Variants in TRIM67 observed in about 807,000 individuals in gnomAD.
The protein encoded by TRIM67 is tripartite motif containing 67.
In TRIM67, 39 loss-of-function variants were observed where a neutral mutation model predicts 71.0. The ratio of observed to expected loss-of-function variants is 0.55; its 90% CI spans 0.43 to 0.72. The LOEUF is 0.72. Ranked by LOEUF, TRIM67 falls within the 30% of genes least tolerant of loss-of-function variation. The probability of loss-of-function intolerance (pLI) is 0.00; values close to 1 mark genes in which losing one functional copy is unlikely to be tolerated. For synonymous variants in TRIM67, 481 were observed against 473.9 expected, an observed-to-expected ratio of 1.01 and a Z score of -0.19; for missense variants, 973 against 1,079.2, an observed-to-expected ratio of 0.90 and a Z score of 1.38.
At chr1:231,186,723 G>A (rs1051417719) in intron 1 of TRIM67, among the ~76,000 whole-genome samples, 2 of 152,170 alleles carry the variant, frequency 1.3e-5, no homozygotes, top group Non-Finnish European at 2.9e-5. Flanking sequence ...CTGGGGGTTA[G>A]GACTTCAATG....
chr1:231,173,623 G>A (rs372086343), intron 1 of TRIM67, among the ~76,000 whole-genome samples: 14 of 152,294 alleles, frequency 9.2e-5, no homozygotes, highest in African/African-American at 3.1e-4. Context: ...TGAAACAGAT[G>A]AATAAGGGGC....
intron 8 of TRIM67, 99 bp from the exon 9 acceptor site, chr1:231,213,716 G>C (rs1310803664): frequency 7.1e-7 from 1 of 1,414,298 alleles, no homozygotes; most frequent in East Asian, 2.5e-5. Flanking sequence ...GGGTGACAGA[G>C]TGAGACCGTG....
intron 1 of TRIM67, among the ~76,000 whole-genome samples, chr1:231,187,026 T>C (rs950955810): frequency 6.6e-6 from 1 of 152,124 alleles, no homozygotes; most frequent in Non-Finnish European, 1.5e-5. Flanking sequence ...CTCACAAGCA[T>C]ATGGATCTCG....
chr1:231,215,490 A>G lies in TRIM67; in HGVS notation c.*50A>G, dbSNP rs755100674. The G allele has an allele frequency of 4.6e-6, 7 of 1,536,632 alleles. No individual in the cohort carries two copies. The highest frequency in any genetic ancestry group is 6.2e-6 in the Non-Finnish European group (7 of 1,134,620). On this transcript the variant is annotated 3_prime_UTR_variant, in exon 10 of 10. Transcript: ENST00000366653. Reference sequence around the variant, plus strand: ...CTGTGACAGTGACATTCACAGGCAAAACGCCCACCATTCTCACTAAGCTCA... The same window carrying G: ...CTGTGACAGTGACATTCACAGGCAAGACGCCCACCATTCTCACTAAGCTCA...
chr1:231,172,374 A>G (rs1020315170), intron 1 of TRIM67, among the ~76,000 whole-genome samples: 2 of 152,310 alleles, frequency 1.3e-5, no homozygotes, highest in Non-Finnish European at 2.9e-5. Context: ...GGGAGCTTCA[A>G]TGTCCTGTTT....
At chr1:231,199,000 C>T in intron 2 of TRIM67, 47 bp from the exon 3 acceptor site, 1 of 1,612,830 alleles carries the variant, frequency 6.2e-7, no homozygotes, top group Non-Finnish European at 8.5e-7. Context: ...AGCATCTTCC[C>T]CCTAAAACTC....
chr1:231,162,822 G>A lies in TRIM67; in HGVS notation c.-148G>A, dbSNP rs1250989138. The A allele has an allele frequency of 3.0e-6, 3 of 987,206 alleles. No homozygotes were observed. The highest frequency in any genetic ancestry group is 4.4e-6 in the Non-Finnish European group (3 of 688,060). The allele number at this position is 987,206 out of a possible 1,614,324, so 61.2% of individuals were successfully genotyped here. ...GTGGCTACAGGACAGAGAGAGGGGCGTGCCCCTCGGCTGTGAAGTGGGCAT... is the reference window on the plus strand; with the variant it reads ...GTGGCTACAGGACAGAGAGAGGGGCATGCCCCTCGGCTGTGAAGTGGGCAT... On this transcript the variant is annotated 5_prime_UTR_variant, in exon 1 of 10. In the 5' UTR this introduces an upstream ATG that the reference lacks. Coordinates refer to ENST00000366653, the MANE Select transcript of TRIM67 (RefSeq NM_001004342.5).
chr1:231,206,437 C>A (rs952979579), intron 6 of TRIM67, among the ~76,000 whole-genome samples: 13 of 151,648 alleles, frequency 8.6e-5, no homozygotes, highest in Non-Finnish European at 1.5e-5. Context: ...AAGACTCTGT[C>A]CCTCAAAAAA....
chr1:231,211,894 T>G (rs748869914), intron 8 of TRIM67, among the ~76,000 whole-genome samples: 3 of 152,130 alleles, frequency 2.0e-5, no homozygotes, highest in Non-Finnish European at 4.4e-5. Flanking sequence ...GGCAACATAG[T>G]GAGGCCCTCG....
intron 1 of TRIM67, among the ~76,000 whole-genome samples, chr1:231,165,102 A>G (rs1352710438): frequency 6.6e-6 from 1 of 152,102 alleles, no homozygotes; most frequent in Non-Finnish European, 1.5e-5. Flanking sequence ...CCTCCCCAAC[A>G]TTTGGCAATG....
intron 1 of TRIM67, among the ~76,000 whole-genome samples, chr1:231,179,149 G>A (rs1372350651): frequency 7.2e-5 from 11 of 152,196 alleles, no homozygotes; most frequent in South Asian, 2.1e-4. Context: ...CAAAATCAAG[G>A]TGTCGGCAGG....
intron 7 of TRIM67, among the ~76,000 whole-genome samples, chr1:231,208,597 C>A (rs1177137666): frequency 6.6e-6 from 1 of 152,134 alleles, no homozygotes; most frequent in Admixed American, 6.6e-5. Context: ...CAGGCGTGGA[C>A]CACTGCTCCC....
chr1:231,166,701 A>G (rs2236065), intron 1 of TRIM67, among the ~76,000 whole-genome samples: 17,942 of 152,230 alleles, frequency 0.12, 1,350 homozygotes, highest in East Asian at 0.28. Flanking sequence ...ACTGCAGCTT[A>G]CCTTCTGATT....
Position 231,215,406 on chromosome 1 carries a change from C to A in TRIM67, c.2318C>A (p.Thr773Asn). The A allele has an allele frequency of 6.2e-7, 1 of 1,612,664 alleles. No homozygotes were observed. Among genetic ancestry groups the A allele is most frequent in the Non-Finnish European group, 8.5e-7 (1 of 1,179,114 alleles). ...CTGCACACAGGATTGGAAGTGCCGA[C>A]TAACCTGGGGCGGCCAAAGCTGTCA... Reference protein sequence around the residue: ...VTLHTGLEVPTNLGRPKLSGN With the variant: ...VTLHTGLEVPNNLGRPKLSGN Residue 773 changes from threonine (T) to asparagine (N), a missense_variant, in exon 10 of 10, where the codon ACT becomes AAT. Physicochemically the swap from Thr to Asn is moderately conservative, Grantham distance 65. Coordinates refer to ENST00000366653, the MANE Select transcript of TRIM67 (RefSeq NM_001004342.5).
rs1684028113 is a variant in TRIM67 at position 231,216,954 on chromosome 1, T to G, written c.*1514T>G. On this transcript the variant is annotated 3_prime_UTR_variant, in exon 10 of 10. Transcript: ENST00000366653. The stretch of plus-strand genomic sequence containing the variant: ...AGAATATATTTTGTCAAGCATTTTA[T>G]TTCTGAGGCTGAGAAGTGACTTGTC... 14 of 985,678 alleles carry G rather than the reference T, an allele frequency of 1.4e-5. No homozygotes were observed. The South Asian group carries it at 6.1e-4, about 43-fold the overall frequency. 61.1% of individuals were successfully genotyped at this position (985,678 alleles called of 1,614,324 possible).
chr1:231,172,420 G>A (rs1034288327), intron 1 of TRIM67, among the ~76,000 whole-genome samples: 3 of 152,212 alleles, frequency 2.0e-5, no homozygotes, highest in African/African-American at 7.2e-5. Context: ...GGCCAGAAGG[G>A]ATGTGAGAGA....
intron 1 of TRIM67, among the ~76,000 whole-genome samples, chr1:231,177,531 C>G (rs1174020225): frequency 6.6e-6 from 1 of 152,178 alleles, no homozygotes; most frequent in Admixed American, 6.5e-5. Context: ...AGAGCATGAG[C>G]TGATTACTCT....
At chr1:231,182,445 A>T (rs1473156630) in intron 1 of TRIM67, among the ~76,000 whole-genome samples, 1 of 152,212 alleles carries the variant, frequency 6.6e-6, no homozygotes, top group African/African-American at 2.4e-5. Flanking sequence ...ACAGTAGAAC[A>T]GAAAGAGATC....
intron 2 of TRIM67, among the ~76,000 whole-genome samples, chr1:231,198,383 G>A (rs1227675402): frequency 2.0e-5 from 3 of 151,906 alleles, no homozygotes; most frequent in African/African-American, 7.3e-5. Context: ...AGGAATAAGA[G>A]GGACTGAATT....
Sources: gnomAD v4.1 joint callset for allele counts (sites outside exome capture counted in the v4.1 genomes callset) on GRCh38, gnomAD v4.1.1 for gene constraint, MANE v1.5 for transcripts, NCBI Gene and HGNC (gene_info 2026-07-23, HGNC 2026-07-21) for gene names.